TMEM132D: variants seen among roughly 807,000 people sequenced by gnomAD.
TMEM132D encodes mature OL transmembrane protein.
In TMEM132D, 21 loss-of-function variants were observed where a neutral mutation model predicts 62.3. The ratio of observed to expected loss-of-function variants is 0.34; its 90% CI spans 0.24 to 0.49. The LOEUF is 0.49. Ranked by LOEUF, TMEM132D falls within the 20% of genes least tolerant of loss-of-function variation. The pLI is 0.99. For missense variants in TMEM132D, 1,346 were observed against 1,402.8 expected (o/e 0.96, Z 0.65); for synonymous variants, 621 against 575.6 (o/e 1.08, Z -1.13).
intron 1 of TMEM132D, among the ~76,000 whole-genome samples, chr12:129,866,626 G>A (rs1208592708): frequency 6.6e-6 from 1 of 151,844 alleles, no homozygotes; most frequent in Non-Finnish European, 1.5e-5. Flanking sequence ...AAAAATGAGT[G>A]TTGGACAGGA....
chr12:129,623,192 T>C (rs775569026), intron 2 of TMEM132D, among the ~76,000 whole-genome samples: 9 of 152,226 alleles, frequency 5.9e-5, no homozygotes, highest in Non-Finnish European at 1.3e-4. Flanking sequence ...ACAGATAATA[T>C]GTAACAACAA....
intron 5 of TMEM132D, among the ~76,000 whole-genome samples, chr12:129,132,288 G>C (rs1034419730): frequency 6.6e-6 from 1 of 152,078 alleles, no homozygotes; most frequent in Non-Finnish European, 1.5e-5. Context: ...GGAAGATCTT[G>C]TTTTGAGGAA....
chr12:129,626,708 A>C (rs1879227279), intron 2 of TMEM132D, among the ~76,000 whole-genome samples: 1 of 152,150 alleles, frequency 6.6e-6, no homozygotes, highest in Admixed American at 6.5e-5. Flanking sequence ...CGCCCTCCTC[A>C]GCCCCCATAA....
chr12:129,523,519 T>C (rs1875919501), intron 3 of TMEM132D, among the ~76,000 whole-genome samples: 1 of 152,182 alleles, frequency 6.6e-6, no homozygotes, highest in African/African-American at 2.4e-5. Flanking sequence ...ACTCTGGAGA[T>C]CCTATCAAAA....
intron 1 of TMEM132D, among the ~76,000 whole-genome samples, chr12:129,737,634 C>T (rs540285689): frequency 2.6e-5 from 4 of 152,182 alleles, no homozygotes; most frequent in Non-Finnish European, 5.9e-5. Context: ...TTTCATTTTG[C>T]ACCTGCCTGA....
chr12:129,718,112 A>G (rs1593133192), intron 1 of TMEM132D, among the ~76,000 whole-genome samples: 1 of 152,244 alleles, frequency 6.6e-6, no homozygotes, highest in Non-Finnish European at 1.5e-5. Context: ...CCTGCCAAGG[A>G]CAAGTCCAGT....
At chr12:129,130,015 CTG>C (rs59282376) in intron 5 of TMEM132D, among the ~76,000 whole-genome samples, 4,020 of 141,884 alleles carry the variant, frequency 0.028, 171 homozygotes, top group African/African-American at 0.091. Flanking sequence ...AAGCTCTGCT[CTG>C]TGTGTGTGTG....
intron 1 of TMEM132D, among the ~76,000 whole-genome samples, chr12:129,792,873 G>A (rs528488227): frequency 1.8e-4 from 27 of 151,994 alleles, no homozygotes; most frequent in Non-Finnish European, 3.2e-4. Flanking sequence ...AGGTGGTACG[G>A]AAAACACAGA....
intron 5 of TMEM132D, among the ~76,000 whole-genome samples, chr12:129,156,777 C>T (rs1041665678): frequency 2.0e-5 from 3 of 152,154 alleles, no homozygotes; most frequent in African/African-American, 7.2e-5. Context: ...CCCAAGATAA[C>T]AAACTCACTC....
chr12:129,873,589 A>G (rs1284966364), intron 1 of TMEM132D, among the ~76,000 whole-genome samples: 1 of 152,220 alleles, frequency 6.6e-6, no homozygotes, highest in African/African-American at 2.4e-5. Context: ...GGCACAAAGA[A>G]TGGATCTGTC....
intron 4 of TMEM132D, among the ~76,000 whole-genome samples, chr12:129,304,584 C>T (rs1881799394): frequency 6.6e-6 from 1 of 152,132 alleles, no homozygotes; most frequent in Admixed American, 6.5e-5. Context: ...CCATATCCTC[C>T]TAGCTCTTTC....
chr12:129,622,582 A>G (rs1243304344), intron 2 of TMEM132D, among the ~76,000 whole-genome samples: 1 of 152,222 alleles, frequency 6.6e-6, no homozygotes, highest in Non-Finnish European at 1.5e-5. Context: ...GTCCGTAACT[A>G]TATCAGCAAA....
In TMEM132D at chr12:129,476,929, A is replaced by G. The variant is rs552302568; in HGVS notation, c.1115+54130T>C. Among the ~76,000 whole-genome samples the G allele has an allele frequency of 2.6e-5, 4 of 152,296 alleles. No individual in the cohort carries two copies. In the South Asian group the frequency reaches 6.2e-4, roughly 24 times the overall value. The stretch of plus-strand genomic sequence containing the variant: ...AGTATAAGATGATCAATTTCTACCA[A>G]TCGTTTTTTGTCCAAAAACCCTGAT... On this transcript the variant is annotated intron_variant, in intron 3 of 8. Transcript: ENST00000422113.
intron 3 of TMEM132D, among the ~76,000 whole-genome samples, chr12:129,373,117 G>C (rs1398291930): frequency 6.6e-6 from 1 of 152,186 alleles, no homozygotes; most frequent in Admixed American, 6.5e-5. Flanking sequence ...CCAAGCTCCT[G>C]TGCAGGTGTG....
intron 4 of TMEM132D, among the ~76,000 whole-genome samples, chr12:129,274,982 A>C (rs1414600605): frequency 6.6e-6 from 1 of 152,230 alleles, no homozygotes; most frequent in Non-Finnish European, 1.5e-5. Flanking sequence ...TTATTAAATT[A>C]AAAGTTGAGT....
At chr12:129,727,608 G>A (rs1170315792) in intron 1 of TMEM132D, among the ~76,000 whole-genome samples, 1 of 152,148 alleles carries the variant, frequency 6.6e-6, no homozygotes, top group Non-Finnish European at 1.5e-5. Context: ...GGGCAAGAGG[G>A]AGAGCTGGAA....
intron 1 of TMEM132D, among the ~76,000 whole-genome samples, chr12:129,720,284 C>G (rs1868774753): frequency 6.6e-6 from 1 of 152,192 alleles, no homozygotes; most frequent in African/African-American, 2.4e-5. Context: ...CTCTACCTTT[C>G]AGTCATTACT....
At chr12:129,794,117 C>G (rs1186575735) in intron 1 of TMEM132D, among the ~76,000 whole-genome samples, 1 of 146,434 alleles carries the variant, frequency 6.8e-6, no homozygotes, top group Non-Finnish European at 1.5e-5. Context: ...GAGATGGAAT[C>G]TTGCTCTGTC....
At chr12:129,563,282 G>A (rs1877286260) in intron 2 of TMEM132D, among the ~76,000 whole-genome samples, 1 of 152,160 alleles carries the variant, frequency 6.6e-6, no homozygotes, top group African/African-American at 2.4e-5. Flanking sequence ...TCTTGTTCAA[G>A]GGACACAGTG....
Sources: gnomAD v4.1 joint callset for allele counts (sites outside exome capture counted in the v4.1 genomes callset) on GRCh38, gnomAD v4.1.1 for gene constraint, MANE v1.5 for transcripts, NCBI Gene and HGNC (gene_info 2026-07-23, HGNC 2026-07-21) for gene names.